Variants in REPS2 observed in about 807,000 individuals in gnomAD.
REPS2 encodes ralBP1-associated Eps domain-containing protein 2.
Under a neutral mutation model 53.6 loss-of-function variants are expected in REPS2, and 23 were observed. The ratio of observed to expected loss-of-function variants is 0.43; its 90% CI spans 0.31 to 0.61. The LOEUF (loss-of-function observed/expected upper bound fraction) is 0.61, where lower values mean the gene tolerates loss of function less well. Ranked by LOEUF, REPS2 falls within the 20% of genes least tolerant of loss-of-function variation. The pLI is 0.11. For missense variants in REPS2, 446 were observed against 534.9 expected (o/e 0.83, Z 1.64); for synonymous variants, 238 against 218.6 (o/e 1.09, Z -0.78).
At chrX:16,980,990 A>G (rs2061013821) in intron 1 of REPS2, among the ~76,000 whole-genome samples, 1 of 112,595 alleles carries the variant, frequency 8.9e-6, no homozygotes, top group Admixed American at 9.4e-5. Flanking sequence ...CTTTGCAGTC[A>G]TATCTGACTT....
intron 14 of REPS2, among the ~76,000 whole-genome samples, chrX:17,112,808 G>T (rs745879717): frequency 2.7e-5 from 3 of 110,571 alleles, no homozygotes; most frequent in Non-Finnish European, 3.8e-5. Context: ...CTGGAAGAAG[G>T]CTGGGCACAG....
chrX:16,955,133 G>C, intron 1 of REPS2, among the ~76,000 whole-genome samples: 1 of 111,233 alleles, frequency 9.0e-6, no homozygotes, highest in Middle Eastern at 4.6e-3. Context: ...TTTAAAAAGA[G>C]GGTTTGGTTC....
chrX:17,112,465 A>G (rs2062984732), intron 14 of REPS2, among the ~76,000 whole-genome samples: 2 of 112,210 alleles, frequency 1.8e-5, no homozygotes, highest in Admixed American at 1.9e-4. Context: ...AGGATAGACC[A>G]TATGTTAGGC....
At chrX:16,960,787 A>G (rs1384649188) in intron 1 of REPS2, among the ~76,000 whole-genome samples, 2 of 112,550 alleles carry the variant, frequency 1.8e-5, no homozygotes, top group Non-Finnish European at 3.8e-5. Context: ...TGAGTTCAGT[A>G]AAGTTGCATG....
chrX:16,959,530 G>C (rs1428559745), intron 1 of REPS2, among the ~76,000 whole-genome samples: 2 of 111,923 alleles, frequency 1.8e-5, no homozygotes, highest in Non-Finnish European at 3.8e-5. Flanking sequence ...CATATGGTGG[G>C]AAAGGTTGCT....
chrX:16,978,900 TATGGGGCATTTA>T (rs1450476131), intron 1 of REPS2, among the ~76,000 whole-genome samples: 2 of 111,407 alleles, frequency 1.8e-5, no homozygotes, highest in Non-Finnish European at 3.8e-5. Flanking sequence ...AACTAGAAAT[TATGGGGCATTTA>T]ATAACACGTG....
chrX:17,144,511 C>T (rs889975238), intron 17 of REPS2, among the ~76,000 whole-genome samples: 1 of 112,433 alleles, frequency 8.9e-6, no homozygotes, highest in Non-Finnish European at 1.9e-5. Context: ...TCATGTTAGC[C>T]TGGGACTCAG....
At chrX:17,022,707 C>T (rs2061591615) in intron 3 of REPS2, among the ~76,000 whole-genome samples, 1 of 112,111 alleles carries the variant, frequency 8.9e-6, no homozygotes, top group Non-Finnish European at 1.9e-5. Context: ...GGACTAAATC[C>T]TCAGTCTTGG....
chrX:17,006,328 A>G lies in REPS2; in HGVS notation c.381A>G (p.Ile127Met), dbSNP rs766277549. Residue 127 changes from isoleucine (I) to methionine (M), a missense_variant, in exon 2 of 18, where the codon ATA becomes ATG. Coordinates refer to ENST00000357277, the MANE Select transcript of REPS2 (RefSeq NM_004726.3). ...CACAATCTGGCCTCCCGGTACGGAT[A>G]GAGAGTATTAAATGTGGTGAGTATC... ...AAAQSGLPVR[I>M]ESIKCELPLP... 8.3e-6 allele frequency: 10 copies of G among 1,208,438 alleles called. No homozygotes were observed. In the African/African-American group the frequency reaches 1.8e-4, roughly 21 times the overall value.
At chrX:16,998,566 G>A (rs1288669161) in intron 1 of REPS2, among the ~76,000 whole-genome samples, 1 of 111,666 alleles carries the variant, frequency 9.0e-6, no homozygotes, top group African/African-American at 3.3e-5. Flanking sequence ...TTGTTAGTTG[G>A]TGGTTCTTAT....
the REPS2 span, among the ~76,000 whole-genome samples, chrX:17,184,283 G>T: frequency 1.0e-5 from 1 of 100,441 alleles, no homozygotes; most frequent in Admixed American, 1.1e-4. Flanking sequence ...GTGGTGTTTG[G>T]TTTTTTGTTC....
chrX:16,958,015 A>G (rs1012547319), intron 1 of REPS2, among the ~76,000 whole-genome samples: 11 of 112,267 alleles, frequency 9.8e-5, no homozygotes, highest in Non-Finnish European at 2.1e-4. Flanking sequence ...GTTCACTATC[A>G]TCCCCATTTT....
chrX:17,011,186 G>C (rs1450438613), intron 2 of REPS2, among the ~76,000 whole-genome samples: 1 of 110,749 alleles, frequency 9.0e-6, no homozygotes, highest in East Asian at 2.8e-4. Flanking sequence ...GGCAAGTGCC[G>C]ACTCTACATT....
At chrX:17,057,048 T>C (rs1345146953) in intron 8 of REPS2, among the ~76,000 whole-genome samples, 1 of 112,079 alleles carries the variant, frequency 8.9e-6, no homozygotes, top group Admixed American at 9.5e-5. Flanking sequence ...TAGTGCTCAT[T>C]GAGAGGCCCC....
chrX:17,070,820 C>T (rs2062294408), intron 11 of REPS2, among the ~76,000 whole-genome samples: 1 of 109,495 alleles, frequency 9.1e-6, no homozygotes, highest in South Asian at 4.0e-4. Flanking sequence ...CAATATTTTC[C>T]AAATGTCAAG....
chrX:17,123,641 C>T (rs1486618913), intron 14 of REPS2, among the ~76,000 whole-genome samples: 1 of 112,360 alleles, frequency 8.9e-6, no homozygotes, highest in Non-Finnish European at 1.9e-5. Flanking sequence ...GGGGTGCCCA[C>T]CAGAGATGTT....
At chrX:17,043,799 G>A (rs1025458822) in intron 5 of REPS2, among the ~76,000 whole-genome samples, 92 of 112,961 alleles carry the variant, frequency 8.1e-4, no homozygotes, top group Middle Eastern at 4.6e-3. Context: ...GTGGGTCATG[G>A]TGCCCACACA....
chrX:17,154,457 G>A (rs1336190000), downstream of REPS2, among the ~76,000 whole-genome samples: 1 of 112,236 alleles, frequency 8.9e-6, no homozygotes, highest in Non-Finnish European at 1.9e-5. Flanking sequence ...AGTGCAGAGT[G>A]GGATAGGTGC....
chrX:16,987,228 C>G (rs889262924), intron 1 of REPS2, among the ~76,000 whole-genome samples: 1 of 110,779 alleles, frequency 9.0e-6, no homozygotes, highest in East Asian at 2.8e-4. Flanking sequence ...AACCACCATG[C>G]CTGGCTGTCT....
Sources: gnomAD v4.1 joint callset for allele counts (sites outside exome capture counted in the v4.1 genomes callset) on GRCh38, gnomAD v4.1.1 for gene constraint, MANE v1.5 for transcripts, NCBI Gene and HGNC (gene_info 2026-07-23, HGNC 2026-07-21) for gene names.